Variants in SBF2 observed in about 807,000 individuals in gnomAD.
The protein encoded by SBF2 is SET binding factor 2.
In SBF2, 112 loss-of-function variants were observed where a neutral mutation model predicts 225.2. The ratio of observed to expected loss-of-function variants is 0.50; its 90% CI spans 0.43 to 0.58. The LOEUF (loss-of-function observed/expected upper bound fraction) is 0.58. Ranked by LOEUF, SBF2 falls within the 20% of genes least tolerant of loss-of-function variation. SBF2 has a pLI of 0.00. For synonymous variants in SBF2, 763 were observed against 773.3 expected (o/e 0.99, Z 0.22); for missense variants, 1,996 against 2,206.2 (o/e 0.90, Z 1.91).
chr11:9,984,652 AG>A (rs1433943533), intron 13 of SBF2, among the ~76,000 whole-genome samples: 5 of 152,198 alleles, frequency 3.3e-5, no homozygotes, highest in Non-Finnish European at 7.4e-5. Flanking sequence ...GTTAAGACGA[AG>A]GAAAGAATCT....
At chr11:10,238,285 G>A (rs7116590) in intron 1 of SBF2, among the ~76,000 whole-genome samples, 3 of 151,218 alleles carry the variant, frequency 2.0e-5, no homozygotes, top group Non-Finnish European at 3.0e-5. Flanking sequence ...GGCGCACACC[G>A]GCAATCCCAG....
chr11:10,006,649 C>T (rs1303029995), intron 6 of SBF2, among the ~76,000 whole-genome samples: 1 of 152,138 alleles, frequency 6.6e-6, no homozygotes, highest in Non-Finnish European at 1.5e-5. Context: ...AAATGTTACC[C>T]TCTCAAATCC....
intron 7 of SBF2, among the ~76,000 whole-genome samples, chr11:10,001,669 C>T (rs1289687140): frequency 1.3e-5 from 2 of 152,104 alleles, no homozygotes; most frequent in African/African-American, 2.4e-5. Flanking sequence ...GGACTACAGG[C>T]GCCTGCCACC....
rs1369339099 is a variant in SBF2, at chr11:10,293,245, CG to C, written c.55+769del. On this transcript the variant is annotated intron_variant, in intron 1 of 39. Coordinates refer to ENST00000256190, the MANE Select transcript of SBF2 (RefSeq NM_030962.4). ...TGAATTCTCTTAAGTTGTGGAAGTC[CG>C]TCAATTAAAGTGTAAAATACAATGC... Among the ~76,000 whole-genome samples the C allele has an allele frequency of 2.0e-5, 3 of 152,172 alleles. No individual in the cohort carries two copies. The East Asian group carries it at 5.8e-4, about 29-fold the overall frequency.
At chr11:9,939,456 G>T (rs575332354) in intron 16 of SBF2, among the ~76,000 whole-genome samples, 1 of 152,276 alleles carries the variant, frequency 6.6e-6, no homozygotes, top group Non-Finnish European at 1.5e-5. Context: ...ACAAATTGAA[G>T]TAACAATAAC....
At chr11:10,300,562 G>A (rs1204223202) in intron 1 of SBF2, among the ~76,000 whole-genome samples, 1 of 151,600 alleles carries the variant, frequency 6.6e-6, no homozygotes, top group African/African-American at 2.4e-5. Context: ...TTCTTTCCAG[G>A]TGCTTCTAAT....
At chr11:10,121,061 C>T (rs970164999) in intron 2 of SBF2, among the ~76,000 whole-genome samples, 2 of 152,190 alleles carry the variant, frequency 1.3e-5, no homozygotes, top group African/African-American at 4.8e-5. Context: ...CCATCACGCC[C>T]CGCCTGTTTT....
rs751704998 is a variant in SBF2 at position 9,993,008 on chromosome 11, T to C, written c.1149A>G (p.Pro383=). 3 of 1,607,246 alleles carry C rather than the reference T, an allele frequency of 1.9e-6. No homozygotes were observed. The highest frequency in any genetic ancestry group is 2.7e-5 in the African/African-American group (2 of 74,814). The change falls in exon 11 of 40, where the codon CCA becomes CCG. Residue 383 remains proline, a synonymous_variant. Coordinates refer to ENST00000256190, the MANE Select transcript of SBF2 (RefSeq NM_030962.4). ...ATCTTACCTTGTGGAAATGTATTAC[T>C]GGCTCTGCATGAATTCTTATAAGTT... ...CLQLIRIHAE[P]VIHFHKTAFL...
intron 2 of SBF2, among the ~76,000 whole-genome samples, chr11:10,114,588 T>C (rs906353443): frequency 6.6e-5 from 10 of 152,244 alleles, no homozygotes; most frequent in African/African-American, 1.2e-4. Context: ...CAGTGGCACA[T>C]AGAACTCAAA....
At chr11:10,019,370 A>T (rs896104004) in intron 6 of SBF2, among the ~76,000 whole-genome samples, 7 of 152,190 alleles carry the variant, frequency 4.6e-5, no homozygotes, top group Admixed American at 1.3e-4. Flanking sequence ...GTGGGCTAGC[A>T]AGGAGATTTA....
At chr11:10,076,380 T>A (rs966812808) in intron 2 of SBF2, among the ~76,000 whole-genome samples, 1 of 152,182 alleles carries the variant, frequency 6.6e-6, no homozygotes, top group African/African-American at 2.4e-5. Context: ...CAGACACTGG[T>A]TTGGAGAATC....
In SBF2 at chr11:10,294,150, C is replaced by T. The variant is rs970802472; in HGVS notation, c.-81G>A. 9.2e-7 allele frequency: 1 copy of T among 1,081,598 alleles called. No homozygotes were observed. The highest frequency in any genetic ancestry group is 1.2e-6 in the Non-Finnish European group (1 of 839,348). The allele number at this position is 1,081,598 out of a possible 1,614,324, so 67.0% of individuals were successfully genotyped here. ...GCCCACCCGGCCCGGGAGGGCTCAGCATTTTCCCTGCAGCGGCAGTAGCGG... is the reference window on the plus strand; with the variant it reads ...GCCCACCCGGCCCGGGAGGGCTCAGTATTTTCCCTGCAGCGGCAGTAGCGG... On this transcript the variant is annotated 5_prime_UTR_variant, in exon 1 of 40. It removes an upstream start codon present in the reference 5' UTR. Coordinates refer to ENST00000256190, the MANE Select transcript of SBF2 (RefSeq NM_030962.4).
At position 9,967,586 on chromosome 11, in the gene SBF2, T is replaced by C. The variant is rs140084558; in HGVS notation, c.1600+755A>G. 5.8e-3 allele frequency among the ~76,000 whole-genome samples: 879 copies of C among 151,906 alleles called. 4 individuals are homozygous for C. Among genetic ancestry groups the C allele is most frequent in the Non-Finnish European group, 9.2e-3 (627 of 67,948 alleles). ...GGTGGTTTGGGGAGGAAATGGGGAG[T>C]GACTGCTAATAGGTGTGAGGTTTCT... On this transcript the variant is annotated intron_variant, in intron 14 of 39. Coordinates refer to ENST00000256190, the MANE Select transcript of SBF2 (RefSeq NM_030962.4).
At position 9,958,609 on chromosome 11, in the gene SBF2, C is replaced by T. The variant is rs191924598; in HGVS notation, c.1860+3348G>A. 1.1e-3 allele frequency: 239 copies of T among 213,750 alleles called. 1 individual carries two copies. Among genetic ancestry groups the T allele is most frequent in the Middle Eastern group, 1.8e-3 (1 of 558 alleles). The allele number at this position is 213,750 out of a possible 1,614,324, so 13.2% of individuals were successfully genotyped here. A position where few individuals can be genotyped will look rare whatever the true frequency, so the allele number is the denominator to read the frequency against. On this transcript the variant is annotated intron_variant, in intron 16 of 39. Coordinates refer to ENST00000256190, the MANE Select transcript of SBF2 (RefSeq NM_030962.4). ...TCCTGACCTCCTGATCCGCCCGCCT[C>T]GGCCTCCCAAAGTGCTGGGATTACA...
At chr11:10,143,339 A>C (rs555118401) in intron 2 of SBF2, among the ~76,000 whole-genome samples, 1 of 152,020 alleles carries the variant, frequency 6.6e-6, no homozygotes, top group African/African-American at 2.4e-5. Flanking sequence ...CGCCTGGCTA[A>C]TTTTGTATTT....
intron 2 of SBF2, among the ~76,000 whole-genome samples, chr11:10,075,365 T>C (rs938843210): frequency 6.6e-6 from 1 of 152,176 alleles, no homozygotes; most frequent in African/African-American, 2.4e-5. Context: ...CAATCAGTAC[T>C]CAAGTAATGA....
At chr11:9,883,850 C>T (rs750079194) in intron 17 of SBF2, among the ~76,000 whole-genome samples, 3 of 151,976 alleles carry the variant, frequency 2.0e-5, no homozygotes, top group Non-Finnish European at 4.4e-5. Context: ...AAAAAAGGGG[C>T]CCTAAGTTAT....
At chr11:10,108,147 T>G (rs1291117259) in intron 2 of SBF2, among the ~76,000 whole-genome samples, 1 of 152,186 alleles carries the variant, frequency 6.6e-6, no homozygotes, top group African/African-American at 2.4e-5. Flanking sequence ...ATAACCTAAG[T>G]AACCATAAAT....
rs565056236 is a variant in SBF2, at chr11:9,911,814, T to C, written c.1861-15803A>G. Among the ~76,000 whole-genome samples the C allele has an allele frequency of 1.6e-3, 249 of 152,098 alleles. 1 individual carries two copies. Among genetic ancestry groups the C allele is most frequent in the African/African-American group, 5.5e-3 (228 of 41,454 alleles). ...TGTTTAGATATACAAATACTTACCA[T>C]TGTGTTACAACTGCCTACAGTATTC... On this transcript the variant is annotated intron_variant, in intron 16 of 39. Transcript: ENST00000256190.
Sources: gnomAD v4.1 joint callset for allele counts (sites outside exome capture counted in the v4.1 genomes callset) on GRCh38, gnomAD v4.1.1 for gene constraint, MANE v1.5 for transcripts, NCBI Gene and HGNC (gene_info 2026-07-23, HGNC 2026-07-21) for gene names.